Variants in STARD9 observed in about 807,000 individuals in gnomAD.
The protein encoded by STARD9 is stAR-related lipid transfer protein 9.
In STARD9, 346 loss-of-function variants were observed where a neutral mutation model predicts 399.8. The ratio of observed to expected loss-of-function variants is 0.87; its 90% CI spans 0.79 to 0.95. The LOEUF (loss-of-function observed/expected upper bound fraction) is 0.95. Ranked by LOEUF, STARD9 falls within the 40% of genes least tolerant of loss-of-function variation. The pLI, the probability that STARD9 is intolerant of heterozygous loss-of-function variation, is 0.00. For missense variants in STARD9, 5,832 were observed against 5,667.5 expected, an observed-to-expected ratio of 1.03 and a Z score of -0.93; for synonymous variants, 2,203 against 2,143.5, an observed-to-expected ratio of 1.03 and a Z score of -0.77.
Position 42,575,614 on chromosome 15 carries a change from G to A in STARD9, c.-102G>A, listed in dbSNP as rs879696654. ...CGCGCGGCGGCGTCCCCAGAGGCGC[G>A]TGGGGCGGGCGGGGCTGGGTTGGGG... On this transcript the variant is annotated 5_prime_UTR_variant, in exon 1 of 33. In the 5' UTR this introduces an upstream ATG that the reference lacks. Coordinates refer to ENST00000290607, the MANE Select transcript of STARD9 (RefSeq NM_020759.3). The A allele has an allele frequency of 2.7e-5, 35 of 1,317,982 alleles. No homozygotes were observed. The Admixed American group carries it at 7.6e-4, about 29-fold the overall frequency. The allele number at this position is 1,317,982 out of a possible 1,614,324, so 81.6% of individuals were successfully genotyped here.
chr15:42,695,607 T>C, intron 25 of STARD9, 136 bp from the exon 26 acceptor site: 1 of 1,035,080 alleles, frequency 9.7e-7, no homozygotes. Flanking sequence ...TGAGGCTAAG[T>C]CAGGGAGGCC....
At chr15:42,696,709 A>T (rs563548233) in intron 26 of STARD9, among the ~76,000 whole-genome samples, 2 of 152,296 alleles carry the variant, frequency 1.3e-5, no homozygotes, top group South Asian at 4.2e-4. Context: ...AGACGAACAG[A>T]GGAGGATGTA....
chr15:42,661,136 C>A, intron 9 of STARD9, 22 bp from the exon 10 acceptor site: 2 of 1,512,080 alleles, frequency 1.3e-6, no homozygotes, highest in Non-Finnish European at 1.8e-6. Context: ...AAATGACAGG[C>A]TTTAAATGTT....
In STARD9 at chr15:42,686,920, G is replaced by T; in HGVS notation, c.5342G>T (p.Gly1781Val). The T allele has an allele frequency of 6.5e-7, 1 of 1,536,810 alleles. No individual in the cohort carries two copies. The highest frequency in any genetic ancestry group is 8.7e-7 in the Non-Finnish European group (1 of 1,146,902). ...VPSPPPREAW[G>V]FGHNHQALQG... is the part of the protein sequence containing the mutation. ...TCCCCACCCCCCAGGGAAGCCTGGG[G>T]CTTTGGTCACAACCACCAAGCTCTC... Residue 1781 changes from glycine (G) to valine (V), a missense_variant, in exon 23 of 33, where the codon GGC (glycine) becomes GTC (valine). By Grantham distance (109) the Gly-to-Val change is moderately radical. This residue lies in a region of STARD9 where 5,828 missense variants were observed against 5,651.1 expected (regional missense o/e 1.03). Transcript: ENST00000290607.
At chr15:42,639,595 C>T (rs1595688004) in intron 7 of STARD9, among the ~76,000 whole-genome samples, 1 of 152,294 alleles carries the variant, frequency 6.6e-6, no homozygotes, top group South Asian at 2.1e-4. Context: ...GGTGCAGTGG[C>T]TTACGCCTGT....
Position 42,689,701 on chromosome 15 carries a change from C to T in STARD9, c.8123C>T (p.Ala2708Val). The change falls in exon 23 of 33, where the codon GCA becomes GTA. Residue 2708 changes from alanine to valine, a missense_variant. This residue lies in a region of STARD9 where 5,828 missense variants were observed against 5,651.1 expected (regional missense o/e 1.03). Transcript: ENST00000290607. ...GAAATCATAGAGAAAAAGAAAGATG[C>T]AACCAGAACACCTTCCTCAGCTGAT... ...SSEIIEKKKDATRTPSSADPL... is the reference protein window; with the variant it reads ...SSEIIEKKKDVTRTPSSADPL... 8.5e-6 allele frequency: 13 copies of T among 1,537,834 alleles called. No homozygotes were observed. Among genetic ancestry groups the T allele is most frequent in the Non-Finnish European group, 1.1e-5 (13 of 1,147,032 alleles).
rs869047689 is a variant in STARD9 at position 42,577,160 on chromosome 15, CT to C, written c.47+1409del. The stretch of plus-strand genomic sequence containing the variant: ...GACACTAGGAATTTCTTTCTTTTTT[CT>C]TTTTTTTTTTGAGATGGAGTCTCGC... On this transcript the variant is annotated intron_variant, in intron 1 of 32. Transcript: ENST00000290607. Among the ~76,000 whole-genome samples, 67 of 146,790 alleles carry C rather than the reference CT, an allele frequency of 4.6e-4. 1 individual carries two copies. The highest frequency in any genetic ancestry group is 3.5e-3 in the Middle Eastern group (1 of 282).
intron 3 of STARD9, among the ~76,000 whole-genome samples, chr15:42,615,738 C>T (rs377760725): frequency 1.3e-4 from 20 of 150,808 alleles, no homozygotes; most frequent in East Asian, 7.7e-4. Flanking sequence ...GGAGATAAAG[C>T]GTTCCCACCT....
chr15:42,705,951 C>G (rs1422068195), intron 26 of STARD9, among the ~76,000 whole-genome samples: 7 of 152,004 alleles, frequency 4.6e-5, no homozygotes, highest in Non-Finnish European at 1.0e-4. Flanking sequence ...TGGGGTTTCA[C>G]CATGTTGGCC....
chr15:42,665,646 T>C, intron 14 of STARD9, 140 bp from the exon 15 acceptor site: 1 of 743,406 alleles, frequency 1.3e-6, no homozygotes, highest in Non-Finnish European at 2.2e-6. Flanking sequence ...TGAGCCCAAA[T>C]ACTTAGGCTC....
At chr15:42,585,477 A>T (rs1459556095) in intron 2 of STARD9, 44 bp from the exon 3 acceptor site, 1 of 1,372,782 alleles carries the variant, frequency 7.3e-7, no homozygotes, top group East Asian at 2.5e-5. Flanking sequence ...GCCAGATTCT[A>T]ATATTATGAT....
chr15:42,599,969 G>A (rs929929804), intron 3 of STARD9, among the ~76,000 whole-genome samples: 5 of 152,188 alleles, frequency 3.3e-5, no homozygotes, highest in African/African-American at 1.2e-4. Context: ...TGTTTTGAAT[G>A]AGTTCAGGGA....
At position 42,688,866 on chromosome 15, in the gene STARD9, C is replaced by G; in HGVS notation, c.7288C>G (p.Leu2430Val). The G allele has an allele frequency of 6.5e-7, 1 of 1,537,314 alleles. No individual in the cohort carries two copies. The highest frequency in any genetic ancestry group is 8.7e-7 in the Non-Finnish European group (1 of 1,146,926). ...SQSGVPESIPLGTEDRISAST... is the reference protein window; with the variant it reads ...SQSGVPESIPVGTEDRISAST... ...ATCTGGTGTACCAGAGAGCATTCCT[C>G]TGGGGACAGAGGACAGGATCTCAGC... The change falls in exon 23 of 33, where the codon CTG becomes GTG. Residue 2430 changes from leucine (L) to valine (V), a missense_variant. Physicochemically the swap from Leu to Val is conservative, Grantham distance 32. Coordinates refer to ENST00000290607, the MANE Select transcript of STARD9 (RefSeq NM_020759.3).
At position 42,690,846 on chromosome 15, in the gene STARD9, G is replaced by A; in HGVS notation, c.9268G>A (p.Ala3090Thr). 6.5e-7 allele frequency: 1 copy of A among 1,537,194 alleles called. No individual in the cohort carries two copies. The highest frequency in any genetic ancestry group is 8.7e-7 in the Non-Finnish European group (1 of 1,146,898). ...AATAGGGGTTCCTGAGAAAAAGGTTGCTGAGAAGCAAGCAAGCACAGAACT... is the reference window on the plus strand; with the variant it reads ...AATAGGGGTTCCTGAGAAAAAGGTTACTGAGAAGCAAGCAAGCACAGAACT... Reference protein sequence around the residue: ...GLIGVPEKKVAEKQASTELEA... With the variant: ...GLIGVPEKKVTEKQASTELEA... The change falls in exon 23 of 33, where the codon GCT becomes ACT. Residue 3090 changes from alanine to threonine, a missense_variant. Physicochemically the swap from Ala to Thr is moderately conservative, Grantham distance 58. Around this residue, in one of 2 missense-constraint regions of STARD9, gnomAD observed 5,828 missense variants for 5,651.1 expected, o/e 1.03. Coordinates refer to ENST00000290607, the MANE Select transcript of STARD9 (RefSeq NM_020759.3).
chr15:42,599,986 T>C (rs886464464), intron 3 of STARD9, among the ~76,000 whole-genome samples: 2 of 152,160 alleles, frequency 1.3e-5, no homozygotes, highest in African/African-American at 4.8e-5. Context: ...GGGAGGGTCA[T>C]TTTGGTTGGA....
chr15:42,583,355 A>C lies in STARD9; in HGVS notation c.57A>C (p.Lys19Asn). The C allele has an allele frequency of 6.5e-7, 1 of 1,536,820 alleles. No homozygotes were observed. Among genetic ancestry groups the C allele is most frequent in the Non-Finnish European group, 8.7e-7 (1 of 1,146,464 alleles). The stretch of plus-strand genomic sequence containing the variant: ...TGGGTCTTGTTTCTAGGGAGACCAA[A>C]GAAGGGGGAAGAATTATTGTGGAAG... ...RVRPLSKRET[K>N]EGGRIIVEVD... Residue 19 changes from lysine (K) to asparagine (N), a missense_variant, in exon 2 of 33, where the codon AAA (lysine) becomes AAC (asparagine). By Grantham distance (94) the Lys-to-Asn change is moderately conservative (BLOSUM62 0). Transcript: ENST00000290607.
At chr15:42,616,219 G>T (rs1411331566) in intron 3 of STARD9, among the ~76,000 whole-genome samples, 2 of 152,190 alleles carry the variant, frequency 1.3e-5, no homozygotes, top group Admixed American at 1.3e-4. Flanking sequence ...CTCCAGAAAT[G>T]ATTTATGTGC....
chr15:42,598,750 A>G (rs1002042449), intron 3 of STARD9, among the ~76,000 whole-genome samples: 1 of 152,186 alleles, frequency 6.6e-6, no homozygotes, highest in Non-Finnish European at 1.5e-5. Flanking sequence ...TGAAATATAC[A>G]ATAAATTATC....
At chr15:42,583,757 C>T (rs746689185) in intron 2 of STARD9, among the ~76,000 whole-genome samples, 2 of 152,168 alleles carry the variant, frequency 1.3e-5, no homozygotes, top group Non-Finnish European at 2.9e-5. Flanking sequence ...ACTCACCTGA[C>T]CACCAGTTAA....
Sources: gnomAD v4.1 joint callset for allele counts (sites outside exome capture counted in the v4.1 genomes callset) on GRCh38, gnomAD v4.1.1 for gene constraint, gnomAD v4.1.1 regional missense constraint, MANE v1.5 for transcripts, NCBI Gene and HGNC (gene_info 2026-07-23, HGNC 2026-07-21) for gene names.